The following SND1 variants were observed in gnomAD, a reference collection of about 807,000 sequenced individuals.
The protein encoded by SND1 is staphylococcal nuclease domain-containing protein 1.
A neutral mutation model predicts 121.7 loss-of-function variants in SND1; 38 were observed. The ratio of observed to expected loss-of-function variants is 0.31; its 90% confidence interval spans 0.24 to 0.41. SND1 has a LOEUF of 0.41. SND1 is among the 10% of genes least tolerant of loss of function. The pLI is 1.00. For synonymous variants in SND1, 401 were observed against 447.4 expected (o/e 0.90, Z 1.31); for missense variants, 868 against 1,184.6 (o/e 0.73, Z 3.92).
rs866312871 is a variant in SND1 at position 127,914,000 on chromosome 7, A to G, written c.1527+9181A>G. 3.3e-5 allele frequency among the ~76,000 whole-genome samples: 5 copies of G among 152,356 alleles called. No homozygotes were observed. The South Asian group carries it at 1.0e-3, about 32-fold the overall frequency. On this transcript the variant is annotated intron_variant, in intron 14 of 23. Coordinates refer to ENST00000354725, the MANE Select transcript of SND1 (RefSeq NM_014390.4). Reference sequence around the variant, plus strand: ...GTTAACATCCAGATATTTTGAAATTAGAGCTCAGGGTTGCTTTGAAATGCC... The same window carrying G: ...GTTAACATCCAGATATTTTGAAATTGGAGCTCAGGGTTGCTTTGAAATGCC...
At chr7:127,666,729 A>G (rs1795426998) in intron 1 of SND1, among the ~76,000 whole-genome samples, 1 of 152,186 alleles carries the variant, frequency 6.6e-6, no homozygotes, top group Admixed American at 6.5e-5. Flanking sequence ...CCGGGATCAT[A>G]AACAAGTTCC....
chr7:128,088,474 A>G (rs1584782998), intron 21 of SND1, among the ~76,000 whole-genome samples: 1 of 102,176 alleles, frequency 9.8e-6, no homozygotes, highest in Non-Finnish European at 1.8e-5. Context: ...TTTTTTTGAG[A>G]TGAATTCTTG....
chr7:127,803,208 G>A (rs1375387829), intron 10 of SND1, among the ~76,000 whole-genome samples: 6 of 152,256 alleles, frequency 3.9e-5, no homozygotes, highest in African/African-American at 9.6e-5. Flanking sequence ...CTTTTCTTCC[G>A]ATGACTGGGC....
intron 11 of SND1, among the ~76,000 whole-genome samples, chr7:127,815,782 C>A (rs111965704): frequency 0.022 from 3,330 of 152,122 alleles, 65 homozygotes; most frequent in Non-Finnish European, 0.032. Flanking sequence ...GTTATGGCAG[C>A]CCTAGGAAAG....
At chr7:127,875,931 A>G (rs1799680897) in intron 12 of SND1, among the ~76,000 whole-genome samples, 1 of 152,120 alleles carries the variant, frequency 6.6e-6, no homozygotes, top group South Asian at 2.1e-4. Flanking sequence ...TTTCACTTAC[A>G]AGCTTTGTAA....
chr7:127,991,424 A>G (rs572559316), intron 16 of SND1, among the ~76,000 whole-genome samples: 155 of 152,290 alleles, frequency 1.0e-3, no homozygotes, highest in African/African-American at 3.5e-3. Context: ...TTCTTTGAAC[A>G]TTTATTTGTA....
At chr7:128,082,024 G>A in intron 18 of SND1, 1 of 525,532 alleles carries the variant, frequency 1.9e-6, no homozygotes, top group Non-Finnish European at 3.9e-6. Flanking sequence ...AGCGCTCTAG[G>A]GGAAGACATC....
chr7:127,764,501 T>C (rs1456385651), intron 10 of SND1, among the ~76,000 whole-genome samples: 1 of 152,264 alleles, frequency 6.6e-6, no homozygotes, highest in Admixed American at 6.5e-5. Flanking sequence ...TCCTCTGCCC[T>C]AGGCTGCCAT....
intron 13 of SND1, among the ~76,000 whole-genome samples, chr7:127,894,973 ATTTC>A (rs1584648099): frequency 6.6e-6 from 1 of 151,256 alleles, no homozygotes; most frequent in African/African-American, 2.4e-5. Flanking sequence ...TGTTTTTCCT[ATTTC>A]TTCTCTTTTC....
intron 14 of SND1, among the ~76,000 whole-genome samples, chr7:127,923,136 G>T (rs62481447): frequency 0.28 from 43,120 of 151,998 alleles, 7,670 homozygotes; most frequent in East Asian, 0.7. Flanking sequence ...CTACAGGCCC[G>T]CACCACCATG....
intron 13 of SND1, among the ~76,000 whole-genome samples, chr7:127,891,816 G>A (rs549069411): frequency 9.9e-5 from 15 of 152,212 alleles, no homozygotes; most frequent in African/African-American, 3.1e-4. Flanking sequence ...CAGCGATTGT[G>A]TACTGAACCA....
At chr7:127,981,282 A>G (rs982655287) in intron 15 of SND1, among the ~76,000 whole-genome samples, 4 of 152,174 alleles carry the variant, frequency 2.6e-5, no homozygotes, top group Admixed American at 6.5e-5. Context: ...GAAAAAAAAA[A>G]AATTTTTGAA....
At chr7:127,710,100 TACACTG>T (rs1333912290) in intron 9 of SND1, among the ~76,000 whole-genome samples, 3 of 152,074 alleles carry the variant, frequency 2.0e-5, no homozygotes, top group Non-Finnish European at 4.4e-5. Flanking sequence ...CTGTGGATTT[TACACTG>T]AAAAAAATGG....
intron 10 of SND1, among the ~76,000 whole-genome samples, chr7:127,765,358 A>T (rs1157007989): frequency 6.6e-6 from 1 of 152,234 alleles, no homozygotes; most frequent in Non-Finnish European, 1.5e-5. Context: ...ACAGATCCTC[A>T]TGCAAGTATT....
intron 10 of SND1, among the ~76,000 whole-genome samples, chr7:127,732,844 C>T (rs181034470): frequency 3.9e-5 from 6 of 152,292 alleles, no homozygotes; most frequent in African/African-American, 4.8e-5. Flanking sequence ...ATCACAGAAA[C>T]GAGTGGATGC....
At chr7:128,032,306 TCCCCCTC>T (rs953340268) in intron 16 of SND1, among the ~76,000 whole-genome samples, 27 of 143,696 alleles carry the variant, frequency 1.9e-4, no homozygotes, top group South Asian at 6.7e-4. Flanking sequence ...TCTTCCTCTC[TCCCCCTC>T]CCCCCTCCCC....
intron 15 of SND1, among the ~76,000 whole-genome samples, chr7:127,978,106 G>A (rs1052511985): frequency 1.3e-5 from 2 of 152,158 alleles, no homozygotes; most frequent in Non-Finnish European, 2.9e-5. Flanking sequence ...AATGGAGAAG[G>A]TGAGAATGGA....
intron 10 of SND1, among the ~76,000 whole-genome samples, chr7:127,742,917 A>T (rs1487325272): frequency 6.6e-6 from 1 of 152,132 alleles, no homozygotes; most frequent in Non-Finnish European, 1.5e-5. Context: ...GTTCTTTACC[A>T]CTTGGATTCT....
intron 9 of SND1, among the ~76,000 whole-genome samples, chr7:127,709,135 C>G (rs1280930572): frequency 1.3e-5 from 2 of 152,182 alleles, no homozygotes; most frequent in African/African-American, 4.8e-5. Flanking sequence ...TTGGGATATC[C>G]TGGCATCCTC....
Sources: allele counts gnomAD v4.1 joint callset (sites outside exome capture counted in the v4.1 genomes callset), GRCh38; gene constraint gnomAD v4.1.1; transcripts MANE v1.5; gene names NCBI Gene and HGNC (gene_info 2026-07-23, HGNC 2026-07-21).